TRABD2B: variants seen among roughly 807,000 people sequenced by gnomAD.
TRABD2B encodes TraB domain containing 2B.
TRABD2B carries 14 observed loss-of-function variants against 40.1 expected under a neutral mutation model. The ratio of observed to expected loss-of-function variants is 0.35; its 90% CI spans 0.23 to 0.55. The LOEUF is 0.55. Among genes scored for constraint, TRABD2B ranks in the 20% least tolerant of loss-of-function variants. TRABD2B has a pLI of 0.90. For missense variants in TRABD2B, 541 were observed against 648.6 expected (o/e 0.83, Z 1.80); for synonymous variants, 263 against 277.0 (o/e 0.95, Z 0.50).
intron 2 of TRABD2B, among the ~76,000 whole-genome samples, chr1:47,857,743 G>A (rs1470301355): frequency 2.6e-5 from 4 of 152,114 alleles, no homozygotes; most frequent in African/African-American, 9.7e-5. Flanking sequence ...ACTTCTAGGT[G>A]GTCTACTCCC....
chr1:47,770,754 A>G (rs1477378244), intron 6 of TRABD2B, among the ~76,000 whole-genome samples: 5 of 152,198 alleles, frequency 3.3e-5, no homozygotes, highest in Non-Finnish European at 5.9e-5. Context: ...TGTTCCTGTC[A>G]AACTGGGGGA....
intron 2 of TRABD2B, among the ~76,000 whole-genome samples, chr1:47,837,747 C>G (rs1044748136): frequency 2.0e-5 from 3 of 152,222 alleles, no homozygotes; most frequent in African/African-American, 4.8e-5. Context: ...TAGGTTTGCA[C>G]AGCGGTGCAA....
chr1:47,794,286 G>A (rs1458993761), intron 4 of TRABD2B, among the ~76,000 whole-genome samples: 1 of 152,184 alleles, frequency 6.6e-6, no homozygotes, highest in African/African-American at 2.4e-5. Context: ...GCTGGGCAGT[G>A]GGAGCTGGCT....
chr1:47,853,694 C>A (rs1643862346), intron 2 of TRABD2B, among the ~76,000 whole-genome samples: 1 of 152,192 alleles, frequency 6.6e-6, no homozygotes, highest in African/African-American at 2.4e-5. Flanking sequence ...CACCTATCCA[C>A]CCATCCAATA....
At chr1:47,936,949 T>TCAC in intron 2 of TRABD2B, among the ~76,000 whole-genome samples, 1 of 144,206 alleles carries the variant, frequency 6.9e-6, no homozygotes, top group East Asian at 2.1e-4. Context: ...ATCACCATCA[T>TCAC]CACCACCACC....
At chr1:47,943,791 C>G (rs1206827608) in intron 2 of TRABD2B, among the ~76,000 whole-genome samples, 1 of 149,524 alleles carries the variant, frequency 6.7e-6, no homozygotes. Context: ...CACACACACA[C>G]ACACACACAG....
At chr1:47,882,802 T>C (rs900143832) in intron 2 of TRABD2B, among the ~76,000 whole-genome samples, 1 of 151,814 alleles carries the variant, frequency 6.6e-6, no homozygotes, top group Non-Finnish European at 1.5e-5. Context: ...TGTGGGGAAA[T>C]TTTTTATTTG....
At chr1:47,851,454 T>C (rs922240278) in intron 2 of TRABD2B, among the ~76,000 whole-genome samples, 2 of 151,396 alleles carry the variant, frequency 1.3e-5, no homozygotes, top group African/African-American at 4.9e-5. Context: ...AGTCACAGAG[T>C]GGGACATGGG....
chr1:47,768,922 C>T (rs1394661633), intron 6 of TRABD2B, among the ~76,000 whole-genome samples: 2 of 152,242 alleles, frequency 1.3e-5, no homozygotes, highest in African/African-American at 4.8e-5. Flanking sequence ...TTGCAAGAGA[C>T]AGTGTCTCCC....
intron 4 of TRABD2B, among the ~76,000 whole-genome samples, chr1:47,789,040 T>C (rs1207630616): frequency 2.0e-5 from 3 of 152,152 alleles, no homozygotes; most frequent in Non-Finnish European, 4.4e-5. Flanking sequence ...ACCCCCACAA[T>C]TGGGCCTGGA....
chr1:47,868,514 G>T (rs956379189), intron 2 of TRABD2B, among the ~76,000 whole-genome samples: 2 of 152,148 alleles, frequency 1.3e-5, no homozygotes, highest in East Asian at 3.9e-4. Context: ...GAGCATTACC[G>T]CCTGAGCTTC....
intron 2 of TRABD2B, among the ~76,000 whole-genome samples, chr1:47,925,719 C>G (rs1473854190): frequency 6.6e-6 from 1 of 152,212 alleles, no homozygotes; most frequent in Non-Finnish European, 1.5e-5. Flanking sequence ...TTTTCTTTCT[C>G]TGAGCACTTA....
chr1:47,926,904 C>T (rs1420058222), intron 2 of TRABD2B, among the ~76,000 whole-genome samples: 2 of 152,182 alleles, frequency 1.3e-5, no homozygotes, highest in Non-Finnish European at 2.9e-5. Flanking sequence ...GATGCAGGTT[C>T]AGTATACATC....
intron 6 of TRABD2B, among the ~76,000 whole-genome samples, chr1:47,770,831 G>C (rs1644368080): frequency 6.6e-6 from 1 of 152,202 alleles, no homozygotes; most frequent in Non-Finnish European, 1.5e-5. Context: ...CTAGGGTAGG[G>C]GGCTGGTCAT....
chr1:47,918,763 G>A (rs1644862839), intron 2 of TRABD2B, among the ~76,000 whole-genome samples: 1 of 152,154 alleles, frequency 6.6e-6, no homozygotes, highest in Non-Finnish European at 1.5e-5. Context: ...TGCAGACTGG[G>A]GAAAATCAGC....
At chr1:47,865,914 C>T (rs995369449) in intron 2 of TRABD2B, among the ~76,000 whole-genome samples, 3 of 152,122 alleles carry the variant, frequency 2.0e-5, no homozygotes, top group African/African-American at 7.2e-5. Flanking sequence ...CACTTATTCT[C>T]TGTTGCCCAG....
At chr1:47,788,166 A>G (rs1033397031) in intron 4 of TRABD2B, among the ~76,000 whole-genome samples, 1 of 152,204 alleles carries the variant, frequency 6.6e-6, no homozygotes, top group East Asian at 1.9e-4. Flanking sequence ...TGGAAGGGCC[A>G]TATAAGTTGA....
At chr1:47,982,048 C>A (rs1645848422) in intron 2 of TRABD2B, among the ~76,000 whole-genome samples, 1 of 152,160 alleles carries the variant, frequency 6.6e-6, no homozygotes, top group African/African-American at 2.4e-5. Flanking sequence ...TAGTGGGAGA[C>A]CACAGTGAAG....
rs1385549783 is a variant in TRABD2B, at chr1:47,764,633, CT to C, written c.*1268del. The C allele has an allele frequency of 2.0e-5, 3 of 152,200 alleles. No homozygotes were observed. The highest frequency in any genetic ancestry group is 7.2e-5 in the African/African-American group (3 of 41,448). 9.4% of individuals were successfully genotyped at this position (152,200 alleles called of 1,614,324 possible). On this transcript the variant is annotated 3_prime_UTR_variant, in exon 7 of 7. Coordinates refer to ENST00000606738, the MANE Select transcript of TRABD2B (RefSeq NM_001194986.2). The stretch of plus-strand genomic sequence containing the variant: ...CATGGCACATGCAGTTGCCAGAGCC[CT>C]TTGGCCAGAGGGGTCAACATAAGCA...
Sources: allele counts gnomAD v4.1 joint callset (sites outside exome capture counted in the v4.1 genomes callset), GRCh38; gene constraint gnomAD v4.1.1; transcripts MANE v1.5; gene names NCBI Gene and HGNC (gene_info 2026-07-23, HGNC 2026-07-21).